Variants in ERMN observed in about 807,000 individuals in gnomAD.
ERMN encodes ermin.
Under a neutral mutation model 21.4 loss-of-function variants are expected in ERMN, and 17 were observed. That is an observed-to-expected ratio of 0.80 (90% confidence interval 0.54 to 1.19). The LOEUF is 1.19. Among genes scored for constraint, ERMN ranks in the 50% most tolerant of loss-of-function variants. ERMN has a pLI of 0.00. For synonymous variants in ERMN, 115 were observed against 111.9 expected (o/e 1.03, Z -0.17); for missense variants, 348 against 331.6 (o/e 1.05, Z -0.38).
At chr2:157,324,569 G>T in intron 2 of ERMN, 101 bp downstream of exon 2, 1 of 881,598 alleles carries the variant, frequency 1.1e-6, no homozygotes, top group Non-Finnish European at 1.8e-6. Context: ...TCATTGCCTG[G>T]ATTGCTTTGT....
chr2:157,325,930 G>A (rs2105191573), upstream of ERMN: 1 of 1,319,894 alleles, frequency 7.6e-7, no homozygotes, highest in East Asian at 2.9e-5. Context: ...AGAGTTAAAG[G>A]CATCCTTTTG....
chr2:157,326,152 C>T (rs1412370768), upstream of ERMN, among the ~76,000 whole-genome samples: 1 of 152,220 alleles, frequency 6.6e-6, no homozygotes, highest in Non-Finnish European at 1.5e-5. Flanking sequence ...TCTGTGTAAC[C>T]AGCTTAACAT....
chr2:157,322,591 G>A (rs998122727), intron 2 of ERMN, among the ~76,000 whole-genome samples: 1 of 152,186 alleles, frequency 6.6e-6, no homozygotes, highest in Non-Finnish European at 1.5e-5. Flanking sequence ...AGTAAGGTGA[G>A]AGGCAATGTT....
rs1684056388 is a variant in ERMN at position 157,325,777 on chromosome 2, A to G, written c.-135T>C. 6.6e-7 allele frequency: 1 copy of G among 1,525,344 alleles called. No individual in the cohort carries two copies. The highest frequency in any genetic ancestry group is 8.8e-7 in the Non-Finnish European group (1 of 1,140,302). 94.5% of individuals were successfully genotyped at this position (1,525,344 alleles called of 1,614,324 possible). On this transcript the variant is annotated 5_prime_UTR_variant, in exon 1 of 3. It removes the in-frame stop codon of an upstream open reading frame in the 5' UTR. Coordinates refer to ENST00000410096, the MANE Select transcript of ERMN (RefSeq NM_020711.3). ...TCTAAGAGCACAAATTATTCACTTT[A>G]GTACATAATAACAAGGTTCTTTTCC... is the stretch of plus-strand genomic sequence containing the variant.
chr2:157,321,910 A>T (rs1004086101), intron 2 of ERMN, 119 bp from the exon 3 acceptor site: 18 of 886,878 alleles, frequency 2.0e-5, no homozygotes, highest in Non-Finnish European at 2.7e-5. Flanking sequence ...GTTTTATGGG[A>T]TATGATTCTG....
Position 157,321,202 on chromosome 2 carries a change from T to TA in ERMN, c.*68dup. The TA allele has an allele frequency of 7.2e-6, 11 of 1,532,914 alleles. No homozygotes were observed. Among genetic ancestry groups the TA allele is most frequent in the Non-Finnish European group, 9.6e-6 (11 of 1,147,796 alleles). 95.0% of individuals were successfully genotyped at this position (1,532,914 alleles called of 1,614,324 possible). A position where few individuals can be genotyped will look rare whatever the true frequency, so the allele number is the denominator to read the frequency against. On this transcript the variant is annotated 3_prime_UTR_variant, in exon 3 of 3. Coordinates refer to ENST00000410096, the MANE Select transcript of ERMN (RefSeq NM_020711.3). Reference sequence around the variant, plus strand: ...TGATAACTCAAATAAGGCATAGAAATATGCACCCTGGGGCAATAGAATTAG... The same window carrying TA: ...TGATAACTCAAATAAGGCATAGAAATAATGCACCCTGGGGCAATAGAATTAG...
At position 157,325,727 on chromosome 2, in the gene ERMN, C is replaced by T; in HGVS notation, c.-85G>A. ...TTGATAAGATACCTGCTCTTGCCTT[C>T]AAGTCCTATAGTTCCAACTCCTACT... On this transcript the variant is annotated 5_prime_UTR_variant, in exon 1 of 3. Transcript: ENST00000410096. 6.3e-7 allele frequency: 1 copy of T among 1,597,858 alleles called. No individual in the cohort carries two copies. Among genetic ancestry groups the T allele is most frequent in the Non-Finnish European group, 8.5e-7 (1 of 1,170,442 alleles).
upstream of ERMN, chr2:157,325,911 T>G: frequency 7.3e-7 from 1 of 1,366,686 alleles, no homozygotes; most frequent in Non-Finnish European, 9.4e-7. Context: ...TGCTTGCCAG[T>G]TCCCTGGCAG....
chr2:157,327,278 T>C (rs531745149), upstream of ERMN: 69 of 559,816 alleles, frequency 1.2e-4, 2 homozygotes, highest in South Asian at 1.5e-3. Flanking sequence ...TCTTGTATAA[T>C]CCCCTCTCCC....
rs1262516767 is a variant in ERMN at position 157,324,764 on chromosome 2, T to G, written c.242-2A>C. ...TAAAGAGTTTCTCTTCTGGGTTTTC[T>G]AGGAAAAAAATATAAAATCAGTATT... On this transcript the variant is annotated splice_acceptor_variant, in intron 1 of 2. Transcript: ENST00000410096. LOFTEE classifies it high-confidence loss of function. 1 of 1,595,664 alleles carries G rather than the reference T, an allele frequency of 6.3e-7. No individual in the cohort carries two copies. Among genetic ancestry groups the G allele is most frequent in the South Asian group, 1.1e-5 (1 of 87,476 alleles).
In ERMN at chr2:157,325,682, G is replaced by T. The variant is rs766305924; in HGVS notation, c.-40C>A. ...TCCGATCTGGAGAGAGAGCTTTAGG[G>T]AAACTGAGTGAGTAGATCCTTGATA... On this transcript the variant is annotated 5_prime_UTR_variant, in exon 1 of 3. Coordinates refer to ENST00000410096, the MANE Select transcript of ERMN (RefSeq NM_020711.3). 1 of 1,613,116 alleles carries T rather than the reference G, an allele frequency of 6.2e-7. No individual in the cohort carries two copies. Among genetic ancestry groups the T allele is most frequent in the Non-Finnish European group, 8.5e-7 (1 of 1,179,138 alleles).
At chr2:157,324,973 T>C (rs140386737) in intron 1 of ERMN, among the ~76,000 whole-genome samples, 3,187 of 151,606 alleles carry the variant, frequency 0.021, 52 homozygotes, top group Non-Finnish European at 0.033. Flanking sequence ...CTTTAATATT[T>C]ATATAAGATA....
Position 157,321,459 on chromosome 2 carries a change from T to C in ERMN, c.667A>G (p.Ser223Gly), listed in dbSNP as rs747396033. ...GCACTGCTCAGTGGGGAGTCCTCACTTGCATCACCTTCCTCTTTAAATTGA... is the reference window on the plus strand; with the variant it reads ...GCACTGCTCAGTGGGGAGTCCTCACCTGCATCACCTTCCTCTTTAAATTGA... ...VSQFKEEGDA[S>G]EDSPLSSASS... is the part of the protein sequence containing the mutation. The change falls in exon 3 of 3, where the codon AGT (serine) becomes GGT (glycine). Residue 223 changes from serine (S) to glycine (G), a missense_variant. Ser to Gly is a moderately conservative substitution (Grantham distance 56, BLOSUM62 0). Coordinates refer to ENST00000410096, the MANE Select transcript of ERMN (RefSeq NM_020711.3). The C allele has an allele frequency of 1.2e-6, 2 of 1,614,136 alleles. No individual in the cohort carries two copies. Among genetic ancestry groups the C allele is most frequent in the Non-Finnish European group, 1.7e-6 (2 of 1,180,004 alleles).
chr2:157,321,085 T>C lies in ERMN; in HGVS notation c.*186A>G. 1.2e-6 allele frequency: 1 copy of C among 828,120 alleles called. No homozygotes were observed. Among genetic ancestry groups the C allele is most frequent in the South Asian group, 2.1e-5 (1 of 48,204 alleles). 51.3% of individuals were successfully genotyped at this position (828,120 alleles called of 1,614,324 possible). The stretch of plus-strand genomic sequence containing the variant: ...GCCCAAGAATTTATTTAAAGCTTTT[T>C]GATTTGAGGTTATCAGACTGAATTT... On this transcript the variant is annotated 3_prime_UTR_variant, in exon 3 of 3. Coordinates refer to ENST00000410096, the MANE Select transcript of ERMN (RefSeq NM_020711.3).
intron 2 of ERMN, among the ~76,000 whole-genome samples, chr2:157,322,409 T>C (rs1683935944): frequency 6.6e-6 from 1 of 152,176 alleles, no homozygotes. Context: ...ATTTATTGAA[T>C]ATGGTAAGAA....
rs1005756894 is a variant in ERMN at position 157,318,690 on chromosome 2, G to C, written c.*2581C>G. On this transcript the variant is annotated 3_prime_UTR_variant, in exon 3 of 3. Transcript: ENST00000410096. ...AAATTGTGGATAGTTTGGTAGGTAGGGGGAGAGAGAGATGGTAGCAAATTC... is the reference window on the plus strand; with the variant it reads ...AAATTGTGGATAGTTTGGTAGGTAGCGGGAGAGAGAGATGGTAGCAAATTC... 4.6e-5 allele frequency: 7 copies of C among 152,060 alleles called. No individual in the cohort carries two copies. The highest frequency in any genetic ancestry group is 1.5e-5 in the Non-Finnish European group (1 of 67,984). The allele number at this position is 152,060 out of a possible 1,614,324, so 9.4% of individuals were successfully genotyped here.
chr2:157,322,194 T>C (rs532238850), intron 2 of ERMN, among the ~76,000 whole-genome samples: 1 of 151,788 alleles, frequency 6.6e-6, no homozygotes, highest in Admixed American at 6.6e-5. Flanking sequence ...TACGTGCACA[T>C]GTAAAAGGAA....
chr2:157,322,541 C>T (rs574898314), intron 2 of ERMN, among the ~76,000 whole-genome samples: 1 of 152,312 alleles, frequency 6.6e-6, no homozygotes, highest in African/African-American at 2.4e-5. Context: ...CTTGTCAGGC[C>T]TGAGTTCACC....
intron 2 of ERMN, chr2:157,324,179 G>A: frequency 3.8e-6 from 1 of 261,050 alleles, no homozygotes; most frequent in South Asian, 3.4e-5. Context: ...AGCTGAGGCA[G>A]GAGAATCGCT....
Sources: allele counts gnomAD v4.1 joint callset (sites outside exome capture counted in the v4.1 genomes callset), GRCh38; gene constraint gnomAD v4.1.1; transcripts MANE v1.5; gene names NCBI Gene and HGNC (gene_info 2026-07-23, HGNC 2026-07-21).